Variants in SAFB observed in about 807,000 individuals in gnomAD.
SAFB encodes the protein scaffold attachment factor B1.
SAFB carries 15 observed loss-of-function variants against 101.6 expected under a neutral mutation model. The ratio of observed to expected loss-of-function variants is 0.15; its 90% confidence interval spans 0.10 to 0.23. The LOEUF (loss-of-function observed/expected upper bound fraction) is 0.23, where lower values mean the gene tolerates loss of function less well. SAFB is among the 10% of genes least tolerant of loss of function. The pLI, the probability that SAFB is intolerant of heterozygous loss-of-function variation, is 1.00. For synonymous variants in SAFB, 449 were observed against 407.5 expected (o/e 1.10, Z -1.23); for missense variants, 930 against 1,104.1 (o/e 0.84, Z 2.23).
intron 16 of SAFB, 53 bp downstream of exon 16, chr19:5,664,212 G>T: frequency 6.3e-7 from 1 of 1,592,092 alleles, no homozygotes; most frequent in Admixed American, 1.7e-5. Flanking sequence ...GGCTCATTCT[G>T]ACTGAGAACA....
At position 5,642,651 on chromosome 19, in the gene SAFB, C is replaced by CTTTT. The variant is rs767488519; in HGVS notation, c.546+728_546+731dup. Among the ~76,000 whole-genome samples, 515 of 70,858 alleles carry CTTTT rather than the reference C, an allele frequency of 7.3e-3. 79 individuals are homozygous for CTTTT. Among genetic ancestry groups the CTTTT allele is most frequent in the African/African-American group, 0.023 (402 of 17,468 alleles). 46.5% of individuals were successfully genotyped at this position (70,858 alleles called of 152,430 possible). A position where few individuals can be genotyped will look rare whatever the true frequency, so the allele number is the denominator to read the frequency against. On this transcript the variant is annotated intron_variant, in intron 4 of 20. Transcript: ENST00000588852. ...GGCATTGGCATTATGCCCTTCCTTT[C>CTTTT]TTTTTTTTTTTTTTTTTTTTTTTTT...
chr19:5,653,103 C>T lies in SAFB; in HGVS notation c.1294-12C>T. On this transcript the variant is annotated splice_polypyrimidine_tract_variant and intron_variant, in intron 9 of 20. Transcript: ENST00000588852. ...TTCATGTCTGAGTCATATTTGCCTG[C>T]TTTCCTTTGAGGTGGTGGGCGCCAA... The T allele has an allele frequency of 6.2e-7, 1 of 1,613,106 alleles. No individual in the cohort carries two copies. Among genetic ancestry groups the T allele is most frequent in the Non-Finnish European group, 8.5e-7 (1 of 1,179,956 alleles).
intron 1 of SAFB, chr19:5,623,953 C>T (rs1254967316): frequency 6.6e-6 from 1 of 152,388 alleles, no homozygotes; most frequent in Non-Finnish European, 1.5e-5. Flanking sequence ...AAACCCACCA[C>T]AATCCAGTTT....
intron 2 of SAFB, among the ~76,000 whole-genome samples, chr19:5,634,811 A>G (rs2053561215): frequency 6.6e-6 from 1 of 152,136 alleles, no homozygotes; most frequent in Admixed American, 6.5e-5. Context: ...TTTTGAAATG[A>G]CATAAGATTT....
chr19:5,648,157 T>A (rs1599354210), intron 6 of SAFB, 114 bp downstream of exon 6: 2 of 894,242 alleles, frequency 2.2e-6, no homozygotes, highest in Non-Finnish European at 1.7e-6. Context: ...TATACATTGT[T>A]CTAAAGGTTT....
At chr19:5,656,637 C>T (rs928648770) in intron 13 of SAFB, among the ~76,000 whole-genome samples, 3 of 145,540 alleles carry the variant, frequency 2.1e-5, no homozygotes, top group African/African-American at 7.7e-5. Context: ...AGTGTAGTGG[C>T]GCGTCCTCGG....
intron 1 of SAFB, 141 bp from the exon 2 acceptor site, chr19:5,626,264 G>GTCGCTGT: frequency 7.2e-6 from 4 of 554,618 alleles, no homozygotes; most frequent in Non-Finnish European, 9.8e-6. Context: ...CAGATGAGTG[G>GTCGCTGT]ATGGGCCACA....
chr19:5,631,349 G>A (rs1023010437), intron 2 of SAFB, among the ~76,000 whole-genome samples: 1 of 152,198 alleles, frequency 6.6e-6, no homozygotes, highest in Non-Finnish European at 1.5e-5. Context: ...ATGGAGCCAT[G>A]CAATACTAGC....
At chr19:5,646,105 C>T (rs527506873) in intron 5 of SAFB, among the ~76,000 whole-genome samples, 3 of 152,226 alleles carry the variant, frequency 2.0e-5, no homozygotes, top group South Asian at 2.1e-4. Flanking sequence ...ACCTAGGTAG[C>T]TGGCTAATTC....
At chr19:5,626,735 C>T (rs895552800) in intron 2 of SAFB, among the ~76,000 whole-genome samples, 3 of 152,056 alleles carry the variant, frequency 2.0e-5, no homozygotes, top group African/African-American at 4.8e-5. Flanking sequence ...TGTAGATTGT[C>T]AGCGGTCCTT....
In SAFB at chr19:5,668,158, C is replaced by T. The variant is rs765914376; in HGVS notation, c.2625-4C>T. ...CAGTCAAACCAATGTGAATTTGTTC[C>T]TAGGCGCGGCAGCTTTGCCCCAGGC... On this transcript the variant is annotated splice_polypyrimidine_tract_variant and splice_region_variant and intron_variant, in intron 20 of 20. Coordinates refer to ENST00000588852, the MANE Select transcript of SAFB (RefSeq NM_001201338.2). 2.1e-5 allele frequency: 33 copies of T among 1,606,578 alleles called. No individual in the cohort carries two copies. Among genetic ancestry groups the T allele is most frequent in the Non-Finnish European group, 2.7e-5 (32 of 1,177,328 alleles).
chr19:5,648,039 G>A lies in SAFB; in HGVS notation c.633G>A (p.Glu211=), dbSNP rs1377011180. 3.7e-6 allele frequency: 6 copies of A among 1,612,688 alleles called. No individual in the cohort carries two copies. The East Asian group carries it at 8.9e-5, about 24-fold the overall frequency. ...AGGAAATTGAAGAGCCATCCCTGGAGCCAGGTACTGTTAAATGAAAAACTT... is the reference window on the plus strand; with the variant it reads ...AGGAAATTGAAGAGCCATCCCTGGAACCAGGTACTGTTAAATGAAAAACTT... The part of the protein sequence containing the change: ...ILQEIEEPSL[E]PENEKILDIL... Residue 211 remains glutamate, a synonymous_variant, in exon 6 of 21, where the codon GAG becomes GAA. Transcript: ENST00000588852.
chr19:5,627,525 A>G (rs1295001835), intron 2 of SAFB, among the ~76,000 whole-genome samples: 1 of 152,194 alleles, frequency 6.6e-6, no homozygotes, highest in African/African-American at 2.4e-5. Context: ...GCACTTGGCA[A>G]AAACAGAATT....
chr19:5,650,101 T>C, intron 8 of SAFB, 126 bp downstream of exon 8: 1 of 729,878 alleles, frequency 1.4e-6, no homozygotes, highest in South Asian at 1.6e-5. Context: ...TTGTGCAGTC[T>C]TTCTCCTTCT....
intron 8 of SAFB, among the ~76,000 whole-genome samples, chr19:5,650,323 C>T (rs1199496705): frequency 6.6e-5 from 10 of 152,250 alleles, no homozygotes; most frequent in African/African-American, 1.4e-4. Context: ...CAGAGCTATA[C>T]GTGGAAAGAG....
intron 4 of SAFB, among the ~76,000 whole-genome samples, chr19:5,643,537 T>C (rs1426282438): frequency 6.6e-6 from 1 of 151,992 alleles, no homozygotes; most frequent in Non-Finnish European, 1.5e-5. Context: ...TAAAAAGGAG[T>C]AGCAGAAACA....
At position 5,654,129 on chromosome 19, in the gene SAFB, G is replaced by C; in HGVS notation, c.1595G>C (p.Ser532Thr). Residue 532 changes from serine (S) to threonine (T), a missense_variant, in exon 12 of 21, where the codon AGT becomes ACT. Around this residue, in one of 7 missense-constraint regions of SAFB, gnomAD observed 92 missense variants for 83.8 expected, o/e 1.10. Transcript: ENST00000588852. ...KDDAKKGDDG[S>T]GEKSKDQDDQ... Reference sequence around the variant, plus strand: ...GATGCTAAGAAGGGTGACGACGGAAGTGGAGAAAAGAGTAAGGACCAAGAT... The same window carrying C: ...GATGCTAAGAAGGGTGACGACGGAACTGGAGAAAAGAGTAAGGACCAAGAT... 1 of 1,614,200 alleles carries C rather than the reference G, an allele frequency of 6.2e-7. No homozygotes were observed. The highest frequency in any genetic ancestry group is 8.5e-7 in the Non-Finnish European group (1 of 1,179,994).
chr19:5,639,576 C>T (rs2053662417), intron 2 of SAFB, among the ~76,000 whole-genome samples: 1 of 151,474 alleles, frequency 6.6e-6, no homozygotes, highest in Non-Finnish European at 1.5e-5. Flanking sequence ...GCCTGTAATC[C>T]CAGCTACTCA....
chr19:5,660,578 C>T (rs747738307), intron 14 of SAFB, among the ~76,000 whole-genome samples: 3 of 151,032 alleles, frequency 2.0e-5, no homozygotes, highest in Admixed American at 1.3e-4. Context: ...GGTAAAGGAT[C>T]GAAAGAAGAA....
Sources: allele counts gnomAD v4.1 joint callset (sites outside exome capture counted in the v4.1 genomes callset), GRCh38; gene constraint gnomAD v4.1.1; regional missense constraint gnomAD v4.1.1; transcripts MANE v1.5; gene names NCBI Gene and HGNC (gene_info 2026-07-23, HGNC 2026-07-21).